Variants in CADM2 observed in about 807,000 individuals in gnomAD.
CADM2 encodes the protein immunoglobulin superfamily member 4D.
CADM2 carries 12 observed loss-of-function variants against 49.8 expected under a neutral mutation model. The observed-to-expected ratio is 0.24, with a 90% CI of 0.15 to 0.39. The LOEUF is 0.39. CADM2 is among the 10% of genes least tolerant of loss of function. The pLI is 1.00. For synonymous variants in CADM2, 214 were observed against 175.4 expected (o/e 1.22, Z -1.74); for missense variants, 378 against 492.3 (o/e 0.77, Z 2.20).
At chr3:85,285,840 A>G (rs2043621381) in intron 1 of CADM2, among the ~76,000 whole-genome samples, 1 of 151,894 alleles carries the variant, frequency 6.6e-6, no homozygotes. Context: ...TATTTTAAAG[A>G]GAACTGTGGA....
intron 1 of CADM2, among the ~76,000 whole-genome samples, chr3:85,303,818 T>A (rs1372768720): frequency 6.6e-6 from 1 of 151,894 alleles, no homozygotes; most frequent in Non-Finnish European, 1.5e-5. Context: ...TTCGTTCCAA[T>A]GTGAATGGCA....
chr3:85,468,747 T>C (rs2107604758), intron 1 of CADM2, among the ~76,000 whole-genome samples: 1 of 152,216 alleles, frequency 6.6e-6, no homozygotes, highest in African/African-American at 2.4e-5. Flanking sequence ...ATTTGGGTGG[T>C]GATACCAGAA....
chr3:85,745,690 A>AC (rs1404740214), intron 2 of CADM2, among the ~76,000 whole-genome samples: 3 of 152,134 alleles, frequency 2.0e-5, no homozygotes, highest in Non-Finnish European at 4.4e-5. Flanking sequence ...ACATTGCGAT[A>AC]CCCCATCTCT....
intron 1 of CADM2, among the ~76,000 whole-genome samples, chr3:85,605,981 A>G (rs1039228462): frequency 6.6e-6 from 1 of 152,038 alleles, no homozygotes; most frequent in African/African-American, 2.4e-5. Context: ...CATGAAGCAG[A>G]TTTGCCTTCT....
Position 85,242,345 on chromosome 3 carries a change from A to T in CADM2, c.61+282677A>T, listed in dbSNP as rs1031996366. ...AGGGGTGAAAAAAAACAGTATTACC[A>T]TATAAACTTACTTTGTAAATAAGCT... On this transcript the variant is annotated intron_variant, in intron 1 of 9. Transcript: ENST00000383699. Among the ~76,000 whole-genome samples the T allele has an allele frequency of 2.0e-5, 3 of 151,570 alleles. No individual in the cohort carries two copies. In the South Asian group the frequency reaches 6.2e-4, roughly 31 times the overall value.
At position 85,486,045 on chromosome 3, in the gene CADM2, C is replaced by A. The variant is rs573166653; in HGVS notation, c.62-240477C>A. ...CGAGTAGCAGAGGAGAAAATGATGACGTTGAGGTCACAGCAGGAAACTTAT... is the reference window on the plus strand; with the variant it reads ...CGAGTAGCAGAGGAGAAAATGATGAAGTTGAGGTCACAGCAGGAAACTTAT... On this transcript the variant is annotated intron_variant, in intron 1 of 9. Coordinates refer to ENST00000383699, the MANE Select transcript of CADM2 (RefSeq NM_001167675.2). 2.0e-5 allele frequency among the ~76,000 whole-genome samples: 3 copies of A among 152,026 alleles called. No homozygotes were observed. In the East Asian group the frequency reaches 5.8e-4, roughly 29 times the overall value.
intron 1 of CADM2, among the ~76,000 whole-genome samples, chr3:84,974,941 A>T (rs1476596745): frequency 6.6e-6 from 1 of 151,858 alleles, no homozygotes; most frequent in African/African-American, 2.4e-5. Context: ...GTTTGGGTTG[A>T]TTTAGTGTAA....
chr3:85,312,420 C>T (rs1379900799), intron 1 of CADM2, among the ~76,000 whole-genome samples: 4 of 151,980 alleles, frequency 2.6e-5, no homozygotes, highest in Non-Finnish European at 4.4e-5. Context: ...ATTGACTAGA[C>T]ATTGAATAAA....
At chr3:86,002,988 C>T (rs1441980914) in intron 8 of CADM2, among the ~76,000 whole-genome samples, 2 of 152,170 alleles carry the variant, frequency 1.3e-5, no homozygotes, top group Non-Finnish European at 2.9e-5. Flanking sequence ...TATCACTCCT[C>T]TCCATCTTAA....
At chr3:86,000,094 A>G (rs377031215) in intron 8 of CADM2, among the ~76,000 whole-genome samples, 5 of 152,216 alleles carry the variant, frequency 3.3e-5, no homozygotes, top group African/African-American at 1.2e-4. Context: ...ACATGGCATC[A>G]TTCTGTGTTT....
intron 1 of CADM2, among the ~76,000 whole-genome samples, chr3:85,077,554 A>T (rs72903386): frequency 0.082 from 12,401 of 152,090 alleles, 1,674 homozygotes; most frequent in African/African-American, 0.28. Flanking sequence ...CCAAACTATA[A>T]CATCTCCACT....
chr3:85,488,575 A>G (rs1056895111), intron 1 of CADM2, among the ~76,000 whole-genome samples: 1 of 152,012 alleles, frequency 6.6e-6, no homozygotes, highest in Non-Finnish European at 1.5e-5. Flanking sequence ...CTCTGTCACC[A>G]GGCTGGAGTG....
intron 1 of CADM2, among the ~76,000 whole-genome samples, chr3:85,443,506 T>G (rs1234439023): frequency 6.6e-6 from 1 of 152,138 alleles, no homozygotes; most frequent in Non-Finnish European, 1.5e-5. Flanking sequence ...TCCAACTCTT[T>G]CCATTCAGTT....
chr3:84,980,624 A>G (rs1281703005), intron 1 of CADM2, among the ~76,000 whole-genome samples: 1 of 152,196 alleles, frequency 6.6e-6, no homozygotes, highest in African/African-American at 2.4e-5. Flanking sequence ...ACTTCAGGTT[A>G]CTGGTACAGA....
At chr3:85,810,274 A>T (rs2072768784) in intron 3 of CADM2, among the ~76,000 whole-genome samples, 1 of 152,128 alleles carries the variant, frequency 6.6e-6, no homozygotes, top group Non-Finnish European at 1.5e-5. Context: ...CTGATCCCAG[A>T]TGAAAACCAT....
intron 1 of CADM2, among the ~76,000 whole-genome samples, chr3:85,568,447 CTTTCTTTCTT>C (rs1375012087): frequency 1.1e-4 from 4 of 35,794 alleles, no homozygotes; most frequent in Admixed American, 7.8e-4. Flanking sequence ...TTCTTTCTTT[CTTTCTTTCTT>C]TCTTTCTCTT....
rs191365215 is a variant in CADM2 at position 85,636,549 on chromosome 3, A to G, written c.62-89973A>G. Among the ~76,000 whole-genome samples, 942 of 152,194 alleles carry G rather than the reference A, an allele frequency of 6.2e-3. 14 individuals carry two copies. Among genetic ancestry groups the G allele is most frequent in the African/African-American group, 0.021 (889 of 41,572 alleles). On this transcript the variant is annotated intron_variant, in intron 1 of 9. Transcript: ENST00000383699. ...AAAATTTAAAAAATAAAATTAGTGT[A>G]GCCTCAATGTACAGTGTTGATCAAG...
intron 1 of CADM2, among the ~76,000 whole-genome samples, chr3:85,684,982 G>A (rs1333160744): frequency 6.6e-6 from 1 of 152,086 alleles, no homozygotes; most frequent in Non-Finnish European, 1.5e-5. Context: ...ATGGAGAATC[G>A]GCCGGGCGCG....
chr3:85,849,162 G>A (rs906885867), intron 3 of CADM2, among the ~76,000 whole-genome samples: 1 of 152,096 alleles, frequency 6.6e-6, no homozygotes, highest in Non-Finnish European at 1.5e-5. Context: ...TCACAGTTGT[G>A]TTACATAAAT....
Sources: allele counts gnomAD v4.1 joint callset (sites outside exome capture counted in the v4.1 genomes callset), GRCh38; gene constraint gnomAD v4.1.1; transcripts MANE v1.5; gene names NCBI Gene and HGNC (gene_info 2026-07-23, HGNC 2026-07-21).